Variants in FAM174A observed in about 807,000 individuals in gnomAD.
FAM174A encodes the protein family with sequence similarity 174 member A.
A neutral mutation model predicts 14.3 loss-of-function variants in FAM174A; 14 were observed. That is an observed-to-expected ratio of 0.98 (90% CI 0.65 to 1.53). The LOEUF (loss-of-function observed/expected upper bound fraction) is 1.53, where lower values mean the gene tolerates loss of function less well. FAM174A is among the 40% of genes most tolerant of loss of function. FAM174A has a pLI of 0.00. For synonymous variants in FAM174A, 108 were observed against 111.4 expected, an observed-to-expected ratio of 0.97 and a Z score of 0.19; for missense variants, 241 against 249.6, an observed-to-expected ratio of 0.97 and a Z score of 0.23.
chr5:100,562,185 G>T lies in FAM174A; in HGVS notation c.566G>T (p.Arg189Leu), dbSNP rs750566698. The T allele has an allele frequency of 1.3e-6, 2 of 1,573,966 alleles. No homozygotes were observed. Among genetic ancestry groups the T allele is most frequent in the African/African-American group, 2.8e-5 (2 of 71,372 alleles). The change falls in exon 2 of 3, where the codon CGA becomes CTA. Residue 189 changes from arginine (R) to leucine (L), a missense_variant. Coordinates refer to ENST00000312637, the MANE Select transcript of FAM174A (RefSeq NM_198507.3). ...DNTLFDANHP[R>L]R ...ACGTTGTTTGATGCCAATCATCCTC[G>T]AAGGTAAGTATTCCAGTAGTTTAAT...
chr5:100,545,862 A>G (rs1489572151), intron 1 of FAM174A, among the ~76,000 whole-genome samples: 1 of 152,174 alleles, frequency 6.6e-6, no homozygotes, highest in East Asian at 1.9e-4. Flanking sequence ...ATCACTTATA[A>G]TTGTTTAAAG....
At position 100,535,568 on chromosome 5, in the gene FAM174A, T is replaced by G. The variant is rs771687243; in HGVS notation, c.38T>G (p.Leu13Arg). ...ASQCCCCLSH[L>R]LASVLLLLLL... ...CAGTGCTGCTGCTGTCTCAGCCACC[T>G]CTTGGCTTCCGTCCTCCTCCTGCTG... Residue 13 changes from leucine (L) to arginine (R), a missense_variant, in exon 1 of 3, where the codon CTC (leucine) becomes CGC (arginine). Physicochemically the swap from Leu to Arg is moderately radical, Grantham distance 102 (BLOSUM62 -2). Transcript: ENST00000312637. 1 of 1,613,224 alleles carries G rather than the reference T, an allele frequency of 6.2e-7. No individual in the cohort carries two copies. The highest frequency in any genetic ancestry group is 1.1e-5 in the South Asian group (1 of 91,082).
intron 1 of FAM174A, among the ~76,000 whole-genome samples, chr5:100,552,455 C>T (rs1259284037): frequency 6.6e-6 from 1 of 151,242 alleles, no homozygotes; most frequent in African/African-American, 2.4e-5. Flanking sequence ...AATAATATTA[C>T]CCTACAGATG....
chr5:100,555,941 GT>G (rs374787326), intron 1 of FAM174A, among the ~76,000 whole-genome samples: 34,837 of 152,028 alleles, frequency 0.23, 4,326 homozygotes, highest in Admixed American at 0.34. Context: ...AAGCTCTTTA[GT>G]TTAATTGGAT....
intron 1 of FAM174A, among the ~76,000 whole-genome samples, chr5:100,560,790 G>A (rs967312471): frequency 9.2e-5 from 14 of 152,060 alleles, no homozygotes; most frequent in African/African-American, 3.4e-4. Flanking sequence ...GATTTTATTT[G>A]TGATAACTTG....
chr5:100,557,191 T>C (rs1452923547), intron 1 of FAM174A, among the ~76,000 whole-genome samples: 4 of 151,616 alleles, frequency 2.6e-5, no homozygotes, highest in African/African-American at 9.7e-5. Context: ...TCTGCATCTA[T>C]TGAGATAATC....
At chr5:100,584,690 A>G (rs1194469565) in intron 2 of FAM174A, among the ~76,000 whole-genome samples, 1 of 152,190 alleles carries the variant, frequency 6.6e-6, no homozygotes, top group African/African-American at 2.4e-5. Flanking sequence ...AATTTTCAAT[A>G]TGAGATAAAA....
intron 1 of FAM174A, among the ~76,000 whole-genome samples, chr5:100,558,543 A>C (rs1401144693): frequency 4.6e-5 from 7 of 151,832 alleles, no homozygotes; most frequent in Non-Finnish European, 5.9e-5. Flanking sequence ...TGGGGTATTA[A>C]AGTCTCCCAT....
intron 2 of FAM174A, among the ~76,000 whole-genome samples, chr5:100,584,365 T>C (rs1747081728): frequency 6.6e-6 from 1 of 152,322 alleles, no homozygotes; most frequent in East Asian, 1.9e-4. Context: ...AACAGGGCAC[T>C]TTAATCTGTA....
At chr5:100,571,672 G>GTGTATATATATATATATATATA (rs1554047761) in intron 2 of FAM174A, among the ~76,000 whole-genome samples, 1 of 136,650 alleles carries the variant, frequency 7.3e-6, no homozygotes, top group Admixed American at 7.6e-5. Flanking sequence ...GTGTGTGTGT[G>GTGTATATATATATATATATATA]TATATATATA....
chr5:100,537,334 A>G (rs1745961533), intron 1 of FAM174A, among the ~76,000 whole-genome samples: 3 of 152,212 alleles, frequency 2.0e-5, no homozygotes, highest in Admixed American at 1.3e-4. Context: ...GGAAATAAGA[A>G]TCTAAATGTC....
At position 100,574,346 on chromosome 5, in the gene FAM174A, C is replaced by G. The variant is rs1746858200; in HGVS notation, c.570-11835C>G. Among the ~76,000 whole-genome samples, 6 of 152,028 alleles carry G rather than the reference C, an allele frequency of 3.9e-5. No individual in the cohort carries two copies. The South Asian group carries it at 1.2e-3, about 32-fold the overall frequency. On this transcript the variant is annotated intron_variant, in intron 2 of 2. Transcript: ENST00000312637. ...TGGGATTACAGATGTGCCCACCAAG[C>G]CTGGCTGATTTTTGTATTTTTAGTA...
chr5:100,573,151 A>T (rs1746827697), intron 2 of FAM174A, among the ~76,000 whole-genome samples: 1 of 152,102 alleles, frequency 6.6e-6, no homozygotes, highest in Non-Finnish European at 1.5e-5. Context: ...TCTGGATATT[A>T]GCCCTTTGTC....
chr5:100,557,295 C>G (rs552009379), intron 1 of FAM174A, among the ~76,000 whole-genome samples: 31 of 152,182 alleles, frequency 2.0e-4, no homozygotes, highest in African/African-American at 6.5e-4. Context: ...CCCACTTGAT[C>G]TTGGTGGATA....
intron 2 of FAM174A, among the ~76,000 whole-genome samples, chr5:100,577,188 A>G (rs951736494): frequency 6.6e-6 from 1 of 152,110 alleles, no homozygotes; most frequent in African/African-American, 2.4e-5. Flanking sequence ...AATATGTAAA[A>G]CTATTATGTA....
Position 100,549,261 on chromosome 5 carries a change from A to G in FAM174A, c.435-12793A>G, listed in dbSNP as rs113416728. On this transcript the variant is annotated intron_variant, in intron 1 of 2. Coordinates refer to ENST00000312637, the MANE Select transcript of FAM174A (RefSeq NM_198507.3). The stretch of plus-strand genomic sequence containing the variant: ...TTAAGGTTGATTGGGAAATAAATCC[A>G]TGCTGAACTTTTAGAAATGGAGGTC... Among the ~76,000 whole-genome samples, 458 of 152,274 alleles carry G rather than the reference A, an allele frequency of 3.0e-3. 4 individuals carry two copies. The highest frequency in any genetic ancestry group is 0.011 in the African/African-American group (440 of 41,576).
At chr5:100,552,567 A>G (rs1746286028) in intron 1 of FAM174A, among the ~76,000 whole-genome samples, 3 of 152,130 alleles carry the variant, frequency 2.0e-5, no homozygotes, top group South Asian at 4.1e-4. Context: ...ACAGCAAGTT[A>G]CATTGATTGG....
intron 1 of FAM174A, among the ~76,000 whole-genome samples, chr5:100,548,060 G>C (rs1011668479): frequency 2.0e-5 from 3 of 152,054 alleles, no homozygotes; most frequent in Admixed American, 6.6e-5. Context: ...TTTATAATCA[G>C]GGAGAAAAAT....
intron 2 of FAM174A, among the ~76,000 whole-genome samples, chr5:100,579,551 T>A (rs536304287): frequency 3.9e-5 from 6 of 152,136 alleles, no homozygotes; most frequent in Non-Finnish European, 7.4e-5. Context: ...CAGCCTCTCA[T>A]GTAGCTGGGA....
Sources: gnomAD v4.1 joint callset for allele counts (sites outside exome capture counted in the v4.1 genomes callset) on GRCh38, gnomAD v4.1.1 for gene constraint, MANE v1.5 for transcripts, NCBI Gene and HGNC (gene_info 2026-07-23, HGNC 2026-07-21) for gene names.